DNAH8: variants seen among roughly 807,000 people sequenced by gnomAD.
DNAH8 encodes the protein axonemal beta dynein heavy chain 8.
A neutral mutation model predicts 562.1 loss-of-function variants in DNAH8; 382 were observed. The observed-to-expected ratio is 0.68, with a 90% CI of 0.63 to 0.74. DNAH8 has a LOEUF of 0.74. Ranked by LOEUF, DNAH8 falls within the 30% of genes least tolerant of loss-of-function variation. The probability of loss-of-function intolerance (pLI) is 0.00; values close to 1 mark genes in which losing one functional copy is unlikely to be tolerated. For missense variants in DNAH8, 5,203 were observed against 5,620.4 expected, an observed-to-expected ratio of 0.93 and a Z score of 2.37; for synonymous variants, 1,881 against 1,919.4, an observed-to-expected ratio of 0.98 and a Z score of 0.52.
At position 38,931,977 on chromosome 6, in the gene DNAH8, T is replaced by C. The variant is rs1462172897; in HGVS notation, c.11441T>C (p.Ile3814Thr). The C allele has an allele frequency of 1.1e-5, 17 of 1,594,422 alleles. No individual in the cohort carries two copies. Among genetic ancestry groups the C allele is most frequent in the Admixed American group, 1.8e-5 (1 of 56,520 alleles). The change falls in exon 76 of 93, where the codon ATT becomes ACT. Residue 3814 changes from isoleucine (I) to threonine (T), a missense_variant. By Grantham distance (89) the Ile-to-Thr change is moderately conservative. Transcript: ENST00000327475. ...GAGAATCAGTTACTAAGGAGAGTCA[T>C]TCTAACAGAGAAACAGGTAATCTCT... ...GLENQLLRRV[I>T]LTEKQELEAE... is the part of the protein sequence containing the mutation.
intron 23 of DNAH8, among the ~76,000 whole-genome samples, chr6:38,806,938 C>T (rs567815837): frequency 1.8e-4 from 28 of 152,306 alleles, no homozygotes; most frequent in African/African-American, 6.5e-4. Flanking sequence ...CTCACCAACC[C>T]AGTCTCAGAG....
At position 38,731,468 on chromosome 6, in the gene DNAH8, A is replaced by G. The variant is rs147333689; in HGVS notation, c.610+1482A>G. Among the ~76,000 whole-genome samples the G allele has an allele frequency of 2.8e-4, 43 of 152,320 alleles. No individual in the cohort carries two copies. In the East Asian group the frequency reaches 7.9e-3, roughly 28 times the overall value. ...CTGCATTTTATTTCATTAGGCTGATATAACTGTAATTTTCCAAACTGATCT... is the reference window on the plus strand; with the variant it reads ...CTGCATTTTATTTCATTAGGCTGATGTAACTGTAATTTTCCAAACTGATCT... On this transcript the variant is annotated intron_variant, in intron 4 of 92. Transcript: ENST00000327475.
intron 32 of DNAH8, among the ~76,000 whole-genome samples, chr6:38,836,547 A>G (rs1774319988): frequency 1.3e-5 from 2 of 150,048 alleles, no homozygotes; most frequent in African/African-American, 4.9e-5. Context: ...TGTAGGGCAC[A>G]TCTTTTGCCT....
At chr6:38,995,309 C>T (rs1287738512) in intron 88 of DNAH8, among the ~76,000 whole-genome samples, 2 of 152,100 alleles carry the variant, frequency 1.3e-5, no homozygotes, top group Non-Finnish European at 2.9e-5. Context: ...GTGATATACT[C>T]TATTAATGGT....
At chr6:38,972,298 T>C (rs1353901143) in intron 83 of DNAH8, among the ~76,000 whole-genome samples, 1 of 152,224 alleles carries the variant, frequency 6.6e-6, no homozygotes, top group Admixed American at 6.5e-5. Context: ...GATCTCAGAA[T>C]GTCTGTACAA....
rs746271289 is a variant in DNAH8 at position 38,974,380 on chromosome 6, C to T, written c.12685C>T (p.Leu4229Phe). The change falls in exon 85 of 93, where the codon CTC (leucine) becomes TTC (phenylalanine). Residue 4229 changes from leucine (L) to phenylalanine (F), a missense_variant. By Grantham distance (22) the Leu-to-Phe change is conservative. Around this residue, in one of 6 missense-constraint regions of DNAH8, gnomAD observed 1,399 missense variants for 1,518.4 expected, o/e 0.92. Coordinates refer to ENST00000327475, the MANE Select transcript of DNAH8 (RefSeq NM_001206927.2). ...RFPITLLQTS[L>F]KFTNEPPQGV... is the part of the protein sequence containing the mutation. ...TGTTTTCTTTTCATGACAGACCTCTCTCAAATTCACTAATGAGCCACCCCA... is the reference window on the plus strand; with the variant it reads ...TGTTTTCTTTTCATGACAGACCTCTTTCAAATTCACTAATGAGCCACCCCA... The T allele has an allele frequency of 1.2e-6, 2 of 1,610,194 alleles. No homozygotes were observed. The highest frequency in any genetic ancestry group is 1.1e-5 in the South Asian group (1 of 90,074).
rs115091765 is a variant in DNAH8 at position 38,802,952 on chromosome 6, G to A, written c.2902-227G>A. On this transcript the variant is annotated intron_variant, in intron 21 of 92. Transcript: ENST00000327475. ...TCTATGTGTGATTGAGTCAGGGATA[G>A]GTCAAAGATGGACTTTTTCATCTTT... 4.8e-3 allele frequency among the ~76,000 whole-genome samples: 736 copies of A among 152,328 alleles called. 10 individuals are homozygous for A. The highest frequency in any genetic ancestry group is 0.017 in the African/African-American group (711 of 41,556).
chr6:38,985,547 G>A (rs1325610952), intron 87 of DNAH8, among the ~76,000 whole-genome samples: 1 of 152,114 alleles, frequency 6.6e-6, no homozygotes, highest in Non-Finnish European at 1.5e-5. Context: ...AATAAGTGTT[G>A]GTGAGAATGT....
intron 62 of DNAH8, among the ~76,000 whole-genome samples, chr6:38,900,352 A>G (rs150454307): frequency 5.9e-5 from 9 of 152,366 alleles, no homozygotes; most frequent in African/African-American, 2.2e-4. Flanking sequence ...ACTTAATCAG[A>G]TACTACCACA....
intron 11 of DNAH8, among the ~76,000 whole-genome samples, chr6:38,769,399 T>C (rs1043414894): frequency 1.3e-5 from 2 of 152,190 alleles, no homozygotes; most frequent in African/African-American, 4.8e-5. Flanking sequence ...TTTTGTTGAA[T>C]GAGTGAAAAA....
intron 85 of DNAH8, among the ~76,000 whole-genome samples, chr6:38,981,079 GA>G (rs1441001473): frequency 6.6e-6 from 1 of 150,802 alleles, no homozygotes; most frequent in African/African-American, 2.4e-5. Context: ...GGGGAAGGCA[GA>G]AAAGAAAAAG....
chr6:38,826,957 T>C, intron 29 of DNAH8, among the ~76,000 whole-genome samples: 1 of 152,312 alleles, frequency 6.6e-6, no homozygotes, highest in South Asian at 2.1e-4. Flanking sequence ...TTTACAGTTC[T>C]AGACATCAGA....
At position 38,860,645 on chromosome 6, in the gene DNAH8, T is replaced by C. The variant is rs1776549196; in HGVS notation, c.6131+16T>C. 1.4e-6 allele frequency: 2 copies of C among 1,473,980 alleles called. No homozygotes were observed. The highest frequency in any genetic ancestry group is 2.9e-5 in the South Asian group (2 of 69,772). The allele number at this position is 1,473,980 out of a possible 1,614,324, so 91.3% of individuals were successfully genotyped here. On this transcript the variant is annotated intron_variant, in intron 43 of 92. Coordinates refer to ENST00000327475, the MANE Select transcript of DNAH8 (RefSeq NM_001206927.2). Reference sequence around the variant, plus strand: ...TAACAGATAGGTAGGAAACCCAGTTTTCGTTTTTTATTTTGTAATTTTAAA... The same window carrying C: ...TAACAGATAGGTAGGAAACCCAGTTCTCGTTTTTTATTTTGTAATTTTAAA...
intron 8 of DNAH8, among the ~76,000 whole-genome samples, chr6:38,748,755 A>AAATAATAATAAT (rs57398991): frequency 0.097 from 13,478 of 138,394 alleles, 748 homozygotes; most frequent in East Asian, 0.18. Context: ...CTCCGTCTCA[A>AAATAATAATAAT]AATAATAATA....
At position 38,917,408 on chromosome 6, in the gene DNAH8, T is replaced by G. The variant is rs1781387076; in HGVS notation, c.10308+2T>G. The G allele has an allele frequency of 6.2e-7, 1 of 1,612,074 alleles. No homozygotes were observed. Among genetic ancestry groups the G allele is most frequent in the Non-Finnish European group, 8.5e-7 (1 of 1,178,820 alleles). ...CCATCATGGGGAGAGTCATTAAAGG[T>G]AAGTAAAATCTATCATTGTCAATCC... On this transcript the variant is annotated splice_donor_variant, in intron 69 of 92. Transcript: ENST00000327475. LOFTEE classifies it high-confidence loss of function.
intron 27 of DNAH8, 110 bp from the exon 28 acceptor site, chr6:38,823,452 C>A: frequency 1.3e-6 from 1 of 779,610 alleles, no homozygotes; most frequent in Non-Finnish European, 2.1e-6. Context: ...CCACTGGCCC[C>A]ATTGCACACA....
At chr6:38,865,681 G>A (rs1776977466) in intron 45 of DNAH8, among the ~76,000 whole-genome samples, 1 of 152,186 alleles carries the variant, frequency 6.6e-6, no homozygotes. Flanking sequence ...GCATCTCGCA[G>A]TGTAGAATAT....
intron 52 of DNAH8, among the ~76,000 whole-genome samples, chr6:38,875,058 A>C (rs146690783): frequency 6.6e-6 from 1 of 152,118 alleles, no homozygotes; most frequent in Non-Finnish European, 1.5e-5. Flanking sequence ...TGTCTCAACC[A>C]CTCAGCTTTG....
intron 88 of DNAH8, among the ~76,000 whole-genome samples, chr6:38,990,443 T>C (rs550047693): frequency 3.3e-4 from 50 of 152,220 alleles, no homozygotes; most frequent in African/African-American, 1.2e-3. Context: ...ATAAAACGAG[T>C]TGGTGTTAGT....
Sources: allele counts gnomAD v4.1 joint callset (sites outside exome capture counted in the v4.1 genomes callset), GRCh38; gene constraint gnomAD v4.1.1; regional missense constraint gnomAD v4.1.1; transcripts MANE v1.5; gene names NCBI Gene and HGNC (gene_info 2026-07-23, HGNC 2026-07-21).